Variants in P2RX3 observed in about 807,000 individuals in gnomAD.
P2RX3 encodes the protein purinergic receptor P2X 3.
In P2RX3, 41 loss-of-function variants were observed where a neutral mutation model predicts 51.5. The observed-to-expected ratio is 0.80, with a 90% confidence interval of 0.62 to 1.03. P2RX3 has a LOEUF of 1.03. Ranked by LOEUF, P2RX3 falls within the 50% of genes least tolerant of loss-of-function variation. The pLI is 0.00. For synonymous variants in P2RX3, 185 were observed against 191.6 expected (o/e 0.97, Z 0.29); for missense variants, 459 against 522.1 (o/e 0.88, Z 1.18).
intron 7 of P2RX3, chr11:57,350,504 G>C (rs562462227): frequency 2.0e-5 from 8 of 393,494 alleles, no homozygotes; most frequent in Non-Finnish European, 3.7e-5. Flanking sequence ...GGATGGTCTC[G>C]ATCTCCTGAC....
chr11:57,340,246 G>A (rs1856313659), intron 1 of P2RX3, among the ~76,000 whole-genome samples: 1 of 152,172 alleles, frequency 6.6e-6, no homozygotes, highest in Non-Finnish European at 1.5e-5. Context: ...GGCAGAGATT[G>A]ATGGGGGAGA....
chr11:57,350,916 G>C lies in P2RX3; in HGVS notation c.842+18G>C. The C allele has an allele frequency of 6.2e-7, 1 of 1,613,992 alleles. No individual in the cohort carries two copies. The highest frequency in any genetic ancestry group is 8.5e-7 in the Non-Finnish European group (1 of 1,179,966). ...AACTTCAGGTAATTCCCTGTCTCCTGGGACACCAGGAGAAGAAGGTGCGGG... is the reference window on the plus strand; with the variant it reads ...AACTTCAGGTAATTCCCTGTCTCCTCGGACACCAGGAGAAGAAGGTGCGGG... On this transcript the variant is annotated intron_variant, in intron 8 of 11. Transcript: ENST00000263314.
intron 8 of P2RX3, among the ~76,000 whole-genome samples, chr11:57,355,211 C>T (rs1856609217): frequency 6.6e-6 from 1 of 152,180 alleles, no homozygotes; most frequent in African/African-American, 2.4e-5. Flanking sequence ...CCTTAACTTT[C>T]AGAGGTCTCT....
intron 6 of P2RX3, 23 bp downstream of exon 6, chr11:57,348,727 A>G: frequency 6.3e-7 from 1 of 1,589,518 alleles, no homozygotes; most frequent in Non-Finnish European, 8.6e-7. Flanking sequence ...TCCTTCCCTA[A>G]AGCCAAGATG....
At chr11:57,364,685 C>T (rs1856771998) in intron 8 of P2RX3, among the ~76,000 whole-genome samples, 1 of 152,100 alleles carries the variant, frequency 6.6e-6, no homozygotes, top group Non-Finnish European at 1.5e-5. Flanking sequence ...CTCTTGTGTC[C>T]ATCCTATTAT....
chr11:57,348,118 G>C, intron 4 of P2RX3, 52 bp from the exon 5 acceptor site: 1 of 1,462,774 alleles, frequency 6.8e-7, no homozygotes, highest in Non-Finnish European at 9.3e-7. Flanking sequence ...GGAAGGAAAG[G>C]GAGAGGAGCA....
chr11:57,347,938 G>T (rs1022826470), intron 4 of P2RX3, among the ~76,000 whole-genome samples: 3 of 152,134 alleles, frequency 2.0e-5, no homozygotes, highest in Non-Finnish European at 4.4e-5. Context: ...AAGAAGAAGA[G>T]GTGTCCTCAG....
At chr11:57,369,238 T>C (rs1333118507) in intron 10 of P2RX3, 123 bp from the exon 11 acceptor site, 15 of 771,698 alleles carry the variant, frequency 1.9e-5, no homozygotes, top group Non-Finnish European at 3.0e-5. Context: ...GTTGCAAGGG[T>C]GAAATGTCCT....
rs1856857108 is a variant in P2RX3 at position 57,369,930 on chromosome 11, A to G, written c.1127A>G (p.Tyr376Cys). 1 of 1,614,080 alleles carries G rather than the reference A, an allele frequency of 6.2e-7. No individual in the cohort carries two copies. Among genetic ancestry groups the G allele is most frequent in the Non-Finnish European group, 8.5e-7 (1 of 1,179,992 alleles). ...ATCGCGGCTTTGACCAACCCAGTGT[A>G]CCCCAGCGACCAGACCACAGCGGAG... ...LKIAALTNPV[Y>C]PSDQTTAEKQ... Residue 376 changes from tyrosine to cysteine, a missense_variant, in exon 12 of 12, where the codon TAC (tyrosine) becomes TGC (cysteine). Tyr to Cys is a radical substitution (Grantham distance 194). Transcript: ENST00000263314.
intron 8 of P2RX3, among the ~76,000 whole-genome samples, chr11:57,367,699 C>T (rs2155234): frequency 0.34 from 51,337 of 151,904 alleles, 10,476 homozygotes; most frequent in East Asian, 0.65. Flanking sequence ...GCAATGTGGG[C>T]GACAGAATGA....
At chr11:57,356,413 A>G (rs1406552813) in intron 8 of P2RX3, among the ~76,000 whole-genome samples, 1 of 152,234 alleles carries the variant, frequency 6.6e-6, no homozygotes, top group Non-Finnish European at 1.5e-5. Context: ...TTCCTAAGAC[A>G]GCTTTGCTAC....
intron 8 of P2RX3, among the ~76,000 whole-genome samples, chr11:57,357,865 A>G (rs945215842): frequency 1.7e-4 from 26 of 152,184 alleles, no homozygotes; most frequent in Non-Finnish European, 3.5e-4. Context: ...AGCTGGCAAA[A>G]TTACTTCCCA....
intron 6 of P2RX3, among the ~76,000 whole-genome samples, chr11:57,349,057 T>C (rs1856495393): frequency 6.6e-6 from 1 of 152,144 alleles, no homozygotes; most frequent in Non-Finnish European, 1.5e-5. Flanking sequence ...ATCTAGCCCA[T>C]GTGTGGAAAT....
chr11:57,368,594 C>G (rs908758831), intron 10 of P2RX3, among the ~76,000 whole-genome samples, 157 bp downstream of exon 10: 1 of 152,242 alleles, frequency 6.6e-6, no homozygotes, highest in Admixed American at 6.5e-5. Context: ...TTGGCCACCA[C>G]CCTGCTGCGT....
Position 57,338,505 on chromosome 11 carries a change from C to A in P2RX3, c.-46C>A. 7.1e-7 allele frequency: 1 copy of A among 1,418,076 alleles called. No individual in the cohort carries two copies. The highest frequency in any genetic ancestry group is 9.8e-7 in the Non-Finnish European group (1 of 1,016,818). 87.8% of individuals were successfully genotyped at this position (1,418,076 alleles called of 1,614,324 possible). On this transcript the variant is annotated 5_prime_UTR_variant, in exon 1 of 12. Transcript: ENST00000263314. Reference sequence around the variant, plus strand: ...CCTGTAGGACCTCCCTCTCCTGAGGCCACCACTGGGCCCCCTTCTGAGTGT... The same window carrying A: ...CCTGTAGGACCTCCCTCTCCTGAGGACACCACTGGGCCCCCTTCTGAGTGT...
Position 57,372,182 on chromosome 11 carries a change from G to C in P2RX3, c.*2185G>C, listed in dbSNP as rs1856898036. Among the ~76,000 whole-genome samples, 2 of 152,190 alleles carry C rather than the reference G, an allele frequency of 1.3e-5. No individual in the cohort carries two copies. Among genetic ancestry groups the C allele is most frequent in the African/African-American group, 4.8e-5 (2 of 41,454 alleles). On this transcript the variant is annotated 3_prime_UTR_variant, in exon 12 of 12. Coordinates refer to ENST00000263314, the MANE Select transcript of P2RX3 (RefSeq NM_002559.5). The stretch of plus-strand genomic sequence containing the variant: ...GGTTTGTCATTAATCCTATTTGATA[G>C]AAAAAGAAATTTACAGTACGTGGAA...
At position 57,357,496 on chromosome 11, in the gene P2RX3, C is replaced by T. The variant is rs118108356; in HGVS notation, c.842+6598C>T. ...ACCACAAGTAGGACCAGTATGGTAA[C>T]GCCCATTCTACAGATGAGGAAACTG... On this transcript the variant is annotated intron_variant, in intron 8 of 11. Coordinates refer to ENST00000263314, the MANE Select transcript of P2RX3 (RefSeq NM_002559.5). Among the ~76,000 whole-genome samples the T allele has an allele frequency of 3.7e-3, 567 of 152,252 alleles. 3 individuals are homozygous for T. The highest frequency in any genetic ancestry group is 6.8e-3 in the Middle Eastern group (2 of 294).
At chr11:57,352,106 T>C (rs1394643250) in intron 8 of P2RX3, among the ~76,000 whole-genome samples, 2 of 152,220 alleles carry the variant, frequency 1.3e-5, no homozygotes, top group Admixed American at 1.3e-4. Context: ...AAATAAATGT[T>C]ACTCAAATTT....
chr11:57,348,520 G>A lies in P2RX3; in HGVS notation c.486-107G>A, dbSNP rs1856484227. 8.6e-6 allele frequency: 8 copies of A among 925,476 alleles called. No individual in the cohort carries two copies. In the South Asian group the frequency reaches 1.2e-4, roughly 14 times the overall value. 57.3% of individuals were successfully genotyped at this position (925,476 alleles called of 1,614,324 possible). ...CTCTCAAAGTGCCCTTTATCTATAA[G>A]AGGTCTCCCTTTGGAGGCATCCACC... On this transcript the variant is annotated intron_variant, in intron 5 of 11. Coordinates refer to ENST00000263314, the MANE Select transcript of P2RX3 (RefSeq NM_002559.5).
Sources: gnomAD v4.1 joint callset for allele counts (sites outside exome capture counted in the v4.1 genomes callset) on GRCh38, gnomAD v4.1.1 for gene constraint, MANE v1.5 for transcripts, NCBI Gene and HGNC (gene_info 2026-07-23, HGNC 2026-07-21) for gene names.